The following PJA2 variants were observed in gnomAD, a reference collection of about 807,000 sequenced individuals.
PJA2 encodes the protein E3 ubiquitin-protein ligase Praja-2.
In PJA2, 25 loss-of-function variants were observed where a neutral mutation model predicts 69.3. That is an observed-to-expected ratio of 0.36 (90% CI 0.26 to 0.50). The LOEUF is 0.50. PJA2 is among the 20% of genes least tolerant of loss of function. The pLI is 0.96. For missense variants in PJA2, 809 were observed against 830.2 expected (o/e 0.97, Z 0.31); for synonymous variants, 308 against 277.8 (o/e 1.11, Z -1.08).
chr5:109,350,299 A>C (rs770576809), intron 7 of PJA2, among the ~76,000 whole-genome samples: 1 of 152,116 alleles, frequency 6.6e-6, no homozygotes, highest in Non-Finnish European at 1.5e-5. Flanking sequence ...AAAAAAAAAA[A>C]AACTATCTAT....
intron 1 of PJA2, among the ~76,000 whole-genome samples, chr5:109,385,193 A>C (rs1747130235): frequency 6.6e-6 from 1 of 152,250 alleles, no homozygotes; most frequent in Admixed American, 6.5e-5. Context: ...TGTTTTAAGA[A>C]GAATGCTCTG....
At chr5:109,385,413 T>C (rs1382023231) in intron 1 of PJA2, among the ~76,000 whole-genome samples, 2 of 152,218 alleles carry the variant, frequency 1.3e-5, no homozygotes, top group Non-Finnish European at 2.9e-5. Flanking sequence ...CGAGGTTGAC[T>C]CCAGGTTTTA....
At chr5:109,403,441 A>T (rs1747608563) in intron 1 of PJA2, among the ~76,000 whole-genome samples, 1 of 152,104 alleles carries the variant, frequency 6.6e-6, no homozygotes, top group African/African-American at 2.4e-5. Context: ...CTCTAAAAAA[A>T]ATTGTAAAAC....
chr5:109,386,033 G>T (rs1435598338), intron 1 of PJA2, among the ~76,000 whole-genome samples: 4 of 151,826 alleles, frequency 2.6e-5, no homozygotes, highest in African/African-American at 9.7e-5. Flanking sequence ...TCAGATTTTG[G>T]GGCCAGGTGC....
At chr5:109,379,607 TC>T (rs1197421108) in intron 3 of PJA2, among the ~76,000 whole-genome samples, 1 of 152,194 alleles carries the variant, frequency 6.6e-6, no homozygotes, top group Admixed American at 6.5e-5. Context: ...CCAATCTGCT[TC>T]CCAGTGATTT....
intron 1 of PJA2, among the ~76,000 whole-genome samples, chr5:109,398,651 T>G: frequency 7.4e-6 from 1 of 135,508 alleles, no homozygotes; most frequent in African/African-American, 2.7e-5. Flanking sequence ...GGGGGAGGGA[T>G]AGCATTAGGA....
chr5:109,354,159 T>C (rs1762349538), intron 7 of PJA2, among the ~76,000 whole-genome samples: 1 of 138,368 alleles, frequency 7.2e-6, no homozygotes, highest in Non-Finnish European at 1.6e-5. Context: ...ATATCTATGA[T>C]ATCTAGAGAT....
chr5:109,376,512 A>G (rs1038159303), intron 4 of PJA2, among the ~76,000 whole-genome samples: 3 of 151,838 alleles, frequency 2.0e-5, no homozygotes, highest in Non-Finnish European at 2.9e-5. Context: ...CATCAACTTC[A>G]TCATAAGACA....
chr5:109,404,453 G>T (rs1163185498), intron 1 of PJA2, among the ~76,000 whole-genome samples: 1 of 151,974 alleles, frequency 6.6e-6, no homozygotes, highest in Non-Finnish European at 1.5e-5. Context: ...GGGAGACCGA[G>T]GTTGCAGCGA....
chr5:109,339,624 T>C (rs142523010), intron 9 of PJA2, among the ~76,000 whole-genome samples: 1 of 152,304 alleles, frequency 6.6e-6, no homozygotes, highest in East Asian at 1.9e-4. Flanking sequence ...GGCTCTGCAT[T>C]TTCTGCTTCC....
chr5:109,407,996 G>C (rs567674609), intron 1 of PJA2, among the ~76,000 whole-genome samples: 1 of 152,108 alleles, frequency 6.6e-6, no homozygotes, highest in Non-Finnish European at 1.5e-5. Flanking sequence ...TTACCTAGAA[G>C]AAGAAATGCA....
chr5:109,368,224 T>G (rs537790711), intron 5 of PJA2, among the ~76,000 whole-genome samples: 16 of 152,340 alleles, frequency 1.1e-4, no homozygotes, highest in South Asian at 2.1e-4. Context: ...AATGAATCAC[T>G]GATTTCCCTC....
At chr5:109,391,127 TG>T (rs1269866615) in intron 1 of PJA2, among the ~76,000 whole-genome samples, 3 of 152,162 alleles carry the variant, frequency 2.0e-5, no homozygotes, top group African/African-American at 4.8e-5. Flanking sequence ...CGAAACCAGT[TG>T]AGCACTGTCT....
intron 9 of PJA2, 25 bp from the exon 10 acceptor site, chr5:109,337,381 G>C: frequency 6.4e-7 from 1 of 1,566,032 alleles, no homozygotes; most frequent in Non-Finnish European, 8.6e-7. Context: ...AATGTTAAGA[G>C]CCACCAGAAT....
intron 9 of PJA2, among the ~76,000 whole-genome samples, chr5:109,339,228 G>A (rs969168133): frequency 6.6e-6 from 1 of 152,170 alleles, no homozygotes; most frequent in African/African-American, 2.4e-5. Context: ...TACATTATCA[G>A]AACTACATTT....
intron 5 of PJA2, among the ~76,000 whole-genome samples, chr5:109,363,950 G>A (rs376282619): frequency 2.0e-5 from 3 of 152,110 alleles, no homozygotes; most frequent in Non-Finnish European, 4.4e-5. Flanking sequence ...CCAGGAGTTT[G>A]AGACCAGCCT....
intron 5 of PJA2, 50 bp from the exon 6 acceptor site, chr5:109,363,072 C>T: frequency 6.9e-7 from 1 of 1,451,346 alleles, no homozygotes; most frequent in Non-Finnish European, 9.4e-7. Context: ...TAAAACATAC[C>T]ATAACACTGT....
chr5:109,404,132 G>A (rs1264717762), intron 1 of PJA2, among the ~76,000 whole-genome samples: 1 of 151,752 alleles, frequency 6.6e-6, no homozygotes, highest in Non-Finnish European at 1.5e-5. Flanking sequence ...GAATAGAATG[G>A]GAACATCCTC....
intron 9 of PJA2, among the ~76,000 whole-genome samples, chr5:109,343,305 G>T (rs1196594649): frequency 1.7e-4 from 4 of 23,690 alleles, no homozygotes; most frequent in South Asian, 1.7e-3. Flanking sequence ...AAGAAAGAAA[G>T]AAAGAAAAAA....
Sources: gnomAD v4.1 joint callset for allele counts (sites outside exome capture counted in the v4.1 genomes callset) on GRCh38, gnomAD v4.1.1 for gene constraint, MANE v1.5 for transcripts, NCBI Gene and HGNC (gene_info 2026-07-23, HGNC 2026-07-21) for gene names.